The following NALF1 variants were observed in gnomAD, a reference collection of about 807,000 sequenced individuals.
NALF1 encodes the protein family with sequence similarity 155 member A.
In NALF1, 3 loss-of-function variants were observed where a neutral mutation model predicts 48.4. That is an observed-to-expected ratio of 0.06 (90% CI 0.03 to 0.16). NALF1 has a LOEUF of 0.16. Among genes scored for constraint, NALF1 ranks in the 10% least tolerant of loss-of-function variants. The pLI, the probability that NALF1 is intolerant of heterozygous loss-of-function variation, is 1.00. For synonymous variants in NALF1, 262 were observed against 245.7 expected, an observed-to-expected ratio of 1.07 and a Z score of -0.62; for missense variants, 526 against 571.5, an observed-to-expected ratio of 0.92 and a Z score of 0.81.
chr13:107,646,561 C>A (rs1880319603), intron 1 of NALF1, among the ~76,000 whole-genome samples: 1 of 152,032 alleles, frequency 6.6e-6, no homozygotes, highest in African/African-American at 2.4e-5. Context: ...GATTAGAGGA[C>A]CTAGATTATT....
chr13:107,686,681 C>A (rs1412434502), intron 1 of NALF1, among the ~76,000 whole-genome samples: 4 of 152,080 alleles, frequency 2.6e-5, no homozygotes, highest in African/African-American at 9.7e-5. Flanking sequence ...CATACAACGG[C>A]CCACAATCGT....
chr13:107,554,915 T>C (rs1270349999), intron 1 of NALF1, among the ~76,000 whole-genome samples: 2 of 152,060 alleles, frequency 1.3e-5, no homozygotes, highest in Non-Finnish European at 2.9e-5. Flanking sequence ...AGAGAATGTC[T>C]AAGTAGAGGA....
chr13:107,573,321 G>A (rs1373878711), intron 1 of NALF1, among the ~76,000 whole-genome samples: 2 of 63,486 alleles, frequency 3.2e-5, no homozygotes, highest in African/African-American at 1.3e-4. Context: ...CTTAAAATTT[G>A]GCTTTCCTTA....
intron 1 of NALF1, among the ~76,000 whole-genome samples, chr13:107,546,436 A>G (rs1202221471): frequency 2.6e-5 from 4 of 152,198 alleles, no homozygotes; most frequent in African/African-American, 9.6e-5. Context: ...TGTCCAGAAT[A>G]TAATGGGCTG....
At chr13:107,501,229 C>A (rs1875510759) in intron 1 of NALF1, among the ~76,000 whole-genome samples, 1 of 152,012 alleles carries the variant, frequency 6.6e-6, no homozygotes, top group Non-Finnish European at 1.5e-5. Context: ...TGCCTTTAAT[C>A]GGGACATTAA....
At chr13:107,259,005 T>C (rs1006923453) in intron 1 of NALF1, among the ~76,000 whole-genome samples, 4 of 152,130 alleles carry the variant, frequency 2.6e-5, no homozygotes, top group African/African-American at 7.2e-5. Context: ...CAGACTCATA[T>C]ACCATGTATA....
intron 1 of NALF1, among the ~76,000 whole-genome samples, chr13:107,843,858 G>C (rs771834656): frequency 3.3e-5 from 5 of 152,108 alleles, no homozygotes; most frequent in African/African-American, 4.8e-5. Flanking sequence ...TGTTTGGAGA[G>C]AAACGAAATG....
chr13:107,479,638 GA>G (rs1004844673), intron 1 of NALF1, among the ~76,000 whole-genome samples: 5 of 137,882 alleles, frequency 3.6e-5, no homozygotes, highest in East Asian at 2.2e-4. Flanking sequence ...TTTGCTCTTG[GA>G]AAAAAAAATG....
intron 1 of NALF1, among the ~76,000 whole-genome samples, chr13:107,800,133 A>T (rs1253457467): frequency 6.6e-6 from 1 of 152,162 alleles, no homozygotes; most frequent in Non-Finnish European, 1.5e-5. Flanking sequence ...GAAATACAGA[A>T]CTAAGGAAGA....
intron 1 of NALF1, among the ~76,000 whole-genome samples, chr13:107,549,511 T>A (rs1452725280): frequency 6.6e-6 from 1 of 152,138 alleles, no homozygotes; most frequent in Non-Finnish European, 1.5e-5. Context: ...ACATGTATCT[T>A]CCAGAAAAGT....
chr13:107,752,657 T>C (rs973940508), intron 1 of NALF1, among the ~76,000 whole-genome samples: 5 of 152,200 alleles, frequency 3.3e-5, no homozygotes, highest in Admixed American at 6.5e-5. Context: ...CTTAAAAAGT[T>C]CCTTCTGAAG....
intron 1 of NALF1, among the ~76,000 whole-genome samples, chr13:107,575,980 ATG>A (rs970399857): frequency 2.1e-4 from 25 of 116,398 alleles, no homozygotes; most frequent in African/African-American, 5.5e-4. Context: ...GTGTGTGCAT[ATG>A]TGTGTGTGCA....
At chr13:107,530,014 A>C (rs1594112658) in intron 1 of NALF1, among the ~76,000 whole-genome samples, 1 of 152,070 alleles carries the variant, frequency 6.6e-6, no homozygotes, top group Non-Finnish European at 1.5e-5. Flanking sequence ...TAAGAATAAG[A>C]AGCAAGGGTT....
chr13:107,533,536 G>T (rs1021775876), intron 1 of NALF1, among the ~76,000 whole-genome samples: 5 of 152,092 alleles, frequency 3.3e-5, no homozygotes, highest in African/African-American at 1.2e-4. Context: ...CTTTTGAATG[G>T]TAAGAAAATA....
intron 1 of NALF1, among the ~76,000 whole-genome samples, chr13:107,342,902 G>A (rs1882708125): frequency 6.6e-6 from 1 of 151,998 alleles, no homozygotes; most frequent in Non-Finnish European, 1.5e-5. Context: ...AGAAGTGAAG[G>A]GAGAATTCAA....
chr13:107,266,478 C>T (rs1881041165), intron 1 of NALF1, among the ~76,000 whole-genome samples: 1 of 152,132 alleles, frequency 6.6e-6, no homozygotes, highest in South Asian at 2.1e-4. Flanking sequence ...ATCATTTCTT[C>T]TTATTTAGGT....
At chr13:107,764,961 A>G (rs995449065) in intron 1 of NALF1, among the ~76,000 whole-genome samples, 3 of 152,172 alleles carry the variant, frequency 2.0e-5, no homozygotes, top group African/African-American at 7.2e-5. Context: ...TACTTTATGC[A>G]TGGAGGACAT....
intron 1 of NALF1, among the ~76,000 whole-genome samples, chr13:107,343,435 A>C (rs1882718448): frequency 6.6e-6 from 1 of 152,184 alleles, no homozygotes; most frequent in Admixed American, 6.5e-5. Flanking sequence ...ATAGTAAATA[A>C]GTCTCACAAG....
chr13:107,304,763 G>C (rs1881903515), intron 1 of NALF1, among the ~76,000 whole-genome samples: 1 of 152,236 alleles, frequency 6.6e-6, no homozygotes, highest in South Asian at 2.1e-4. Context: ...GCAGTGATAA[G>C]AATGTCAATT....
Sources: allele counts gnomAD v4.1 joint callset (sites outside exome capture counted in the v4.1 genomes callset), GRCh38; gene constraint gnomAD v4.1.1; transcripts MANE v1.5; gene names NCBI Gene and HGNC (gene_info 2026-07-23, HGNC 2026-07-21).